Variants in VWA3A observed in about 807,000 individuals in gnomAD.
VWA3A encodes von Willebrand factor A domain containing 3A, also known as von Willebrand factor A domain-containing protein 3A.
VWA3A carries 134 observed loss-of-function variants against 160.4 expected under a neutral mutation model. The observed-to-expected ratio is 0.84, with a 90% CI of 0.73 to 0.96. VWA3A has a LOEUF of 0.96. Among genes scored for constraint, VWA3A ranks in the 40% least tolerant of loss-of-function variants. The pLI is 0.00. For missense variants in VWA3A, 1,310 were observed against 1,447.9 expected, an observed-to-expected ratio of 0.90 and a Z score of 1.55; for synonymous variants, 476 against 543.4, an observed-to-expected ratio of 0.88 and a Z score of 1.72.
chr16:22,099,584 T>C (rs2045376574), intron 3 of VWA3A, among the ~76,000 whole-genome samples: 1 of 152,250 alleles, frequency 6.6e-6, no homozygotes, highest in Non-Finnish European at 1.5e-5. Flanking sequence ...ATCTAAGTAT[T>C]TGCAGTAATT....
intron 6 of VWA3A, among the ~76,000 whole-genome samples, chr16:22,108,849 T>C (rs1403532407): frequency 2.0e-5 from 3 of 152,196 alleles, no homozygotes; most frequent in African/African-American, 7.2e-5. Flanking sequence ...CCACTTATGA[T>C]GGGTTTATCA....
chr16:22,149,899 C>T lies in VWA3A; in HGVS notation c.3097C>T (p.Gln1033Ter), dbSNP rs2046319353. Residue 1033 changes from glutamine (Q) to a stop codon, truncating the protein, a stop_gained, in exon 29 of 34, where the codon CAG becomes TAG. Transcript: ENST00000389398. LOFTEE classifies it high-confidence loss of function. ...AMQWVTHLQA[Q>*]GSTSILQALL... is the part of the protein sequence containing the mutation. ...GCAATGGGTGACCCACCTGCAAGCTCAGGGCAGCACCTCCATCTTGCAAGC... is the reference window on the plus strand; with the variant it reads ...GCAATGGGTGACCCACCTGCAAGCTTAGGGCAGCACCTCCATCTTGCAAGC... 1 of 1,611,084 alleles carries T rather than the reference C, an allele frequency of 6.2e-7. No homozygotes were observed. Among genetic ancestry groups the T allele is most frequent in the African/African-American group, 1.3e-5 (1 of 75,008 alleles).
At chr16:22,100,755 C>T (rs2045395748) in intron 5 of VWA3A, among the ~76,000 whole-genome samples, 1 of 150,926 alleles carries the variant, frequency 6.6e-6, no homozygotes, top group Admixed American at 6.6e-5. Context: ...GCAGGAGAAT[C>T]GCTTGAACTC....
At chr16:22,153,630 T>C (rs2046386832) in intron 31 of VWA3A, among the ~76,000 whole-genome samples, 1 of 152,208 alleles carries the variant, frequency 6.6e-6, no homozygotes, top group East Asian at 1.9e-4. Context: ...GAATGCAATG[T>C]TGTCAGTGAT....
chr16:22,098,340 G>T (rs546672537), intron 3 of VWA3A, among the ~76,000 whole-genome samples: 35 of 152,222 alleles, frequency 2.3e-4, no homozygotes, highest in Non-Finnish European at 4.6e-4. Flanking sequence ...AAATACTCAT[G>T]ATTTACTTAG....
At chr16:22,144,535 CA>C (rs2046214118) in intron 26 of VWA3A, among the ~76,000 whole-genome samples, 151 bp downstream of exon 26, 1 of 152,024 alleles carries the variant, frequency 6.6e-6, no homozygotes, top group African/African-American at 2.4e-5. Context: ...ATAGGAGATG[CA>C]AAATCCTGTT....
Position 22,116,714 on chromosome 16 carries a change from G to A in VWA3A, c.816-45G>A, listed in dbSNP as rs569296910. On this transcript the variant is annotated intron_variant, in intron 9 of 33. Coordinates refer to ENST00000389398, the MANE Select transcript of VWA3A (RefSeq NM_173615.5). ...CGTTTTGCTCTGGAATGTTCTCAAA[G>A]TGGTCTGACCTGGGATTTCCACTTC... 18 of 1,469,578 alleles carry A rather than the reference G, an allele frequency of 1.2e-5. No homozygotes were observed. The South Asian group carries it at 1.8e-4, about 15-fold the overall frequency. The allele number at this position is 1,469,578 out of a possible 1,614,324, so 91.0% of individuals were successfully genotyped here.
At chr16:22,147,690 C>T in intron 27 of VWA3A, 1 of 701,750 alleles carries the variant, frequency 1.4e-6, no homozygotes, top group South Asian at 1.5e-5. Context: ...AAGGCGTGAG[C>T]CTCTCTCCAC....
intron 10 of VWA3A, 58 bp from the exon 11 acceptor site, chr16:22,117,053 G>T: frequency 6.5e-7 from 1 of 1,535,754 alleles, no homozygotes. Context: ...CAAGGAGAAG[G>T]CTTACTGGAG....
At chr16:22,144,877 G>A (rs2046220941) in intron 26 of VWA3A, among the ~76,000 whole-genome samples, 1 of 152,072 alleles carries the variant, frequency 6.6e-6, no homozygotes, top group Non-Finnish European at 1.5e-5. Context: ...TCACGCCACT[G>A]CACTCCAGCC....
intron 24 of VWA3A, among the ~76,000 whole-genome samples, chr16:22,142,086 C>T (rs2046161250): frequency 6.6e-6 from 1 of 152,132 alleles, no homozygotes; most frequent in South Asian, 2.1e-4. Context: ...TCCCAAACAG[C>T]CTTTCCCCAT....
intron 17 of VWA3A, among the ~76,000 whole-genome samples, chr16:22,130,586 G>T (rs1247609985): frequency 6.6e-6 from 1 of 152,136 alleles, no homozygotes; most frequent in African/African-American, 2.4e-5. Context: ...ATGAGACAAT[G>T]TGGGTTTTCT....
rs1420151248 is a variant in VWA3A, at chr16:22,148,162, G to A, written c.2840G>A (p.Gly947Glu). The change falls in exon 28 of 34, where the codon GGG (glycine) becomes GAG (glutamate). Residue 947 changes from glycine (G) to glutamate (E), a missense_variant and splice_region_variant. Gly to Glu is a moderately conservative substitution (Grantham distance 98, BLOSUM62 -2). Coordinates refer to ENST00000389398, the MANE Select transcript of VWA3A (RefSeq NM_173615.5). ...YVQRLQWLLS[G>E]SRRLFGTVLE... Reference sequence around the variant, plus strand: ...CTCTTCCCCACCTGTCTCGGAGCAGGGAGCCGCCGACTGTTTGGCACCGTT... The same window carrying A: ...CTCTTCCCCACCTGTCTCGGAGCAGAGAGCCGCCGACTGTTTGGCACCGTT... The A allele has an allele frequency of 1.3e-6, 2 of 1,597,606 alleles. No homozygotes were observed. The highest frequency in any genetic ancestry group is 8.5e-7 in the Non-Finnish European group (1 of 1,172,350).
Position 22,155,920 on chromosome 16 carries a change from A to G in VWA3A, c.*14+4A>G, listed in dbSNP as rs1270916665. On this transcript the variant is annotated splice_donor_region_variant and intron_variant, in intron 33 of 33. Coordinates refer to ENST00000389398, the MANE Select transcript of VWA3A (RefSeq NM_173615.5). ...TTTCCTAGAGAAGTGTTCTCAGGTA[A>G]GGGGAGGGGCTAGACCCCATACTAC... is the stretch of plus-strand genomic sequence containing the variant. The G allele has an allele frequency of 6.2e-7, 1 of 1,613,860 alleles. No individual in the cohort carries two copies. The highest frequency in any genetic ancestry group is 1.1e-5 in the South Asian group (1 of 91,078).
At chr16:22,147,497 G>C in intron 27 of VWA3A, 1 of 684,498 alleles carries the variant, frequency 1.5e-6, no homozygotes, top group East Asian at 2.7e-5. Flanking sequence ...GGAGGAGGGA[G>C]GAAGGGAGTC....
At chr16:22,118,848 C>T in intron 11 of VWA3A, 54 bp from the exon 12 acceptor site, 1 of 1,607,340 alleles carries the variant, frequency 6.2e-7, no homozygotes, top group African/African-American at 1.3e-5. Flanking sequence ...CCTGGGTTGA[C>T]CCCTGCAGGT....
intron 6 of VWA3A, 141 bp from the exon 7 acceptor site, chr16:22,109,341 C>T: frequency 1.5e-6 from 1 of 683,484 alleles, no homozygotes; most frequent in Non-Finnish European, 2.5e-6. Flanking sequence ...TTTGCTTTTC[C>T]CTTATAAAAT....
At chr16:22,115,835 A>G (rs916414939) in intron 9 of VWA3A, among the ~76,000 whole-genome samples, 1 of 1,442 alleles carries the variant, frequency 6.9e-4, no homozygotes, top group Admixed American at 4.0e-3. Context: ...AGACCCAGGG[A>G]AGGAAGGAAG....
At chr16:22,122,999 G>T in intron 14 of VWA3A, 86 bp from the exon 15 acceptor site, 1 of 1,156,306 alleles carries the variant, frequency 8.6e-7, no homozygotes, top group Non-Finnish European at 1.3e-6. Context: ...TCACTCTCCT[G>T]CACCTGATTT....
Sources: allele counts gnomAD v4.1 joint callset (sites outside exome capture counted in the v4.1 genomes callset), GRCh38; gene constraint gnomAD v4.1.1; transcripts MANE v1.5; gene names NCBI Gene and HGNC (gene_info 2026-07-23, HGNC 2026-07-21).